Variants in ERBB4 observed in about 807,000 individuals in gnomAD.
ERBB4 encodes erb-b2 receptor tyrosine kinase 4.
A neutral mutation model predicts 158.0 loss-of-function variants in ERBB4; 42 were observed. The observed-to-expected ratio is 0.27, with a 90% CI of 0.21 to 0.34. The LOEUF is 0.34. Among genes scored for constraint, ERBB4 ranks in the 10% least tolerant of loss-of-function variants. The pLI is 1.00. For missense variants in ERBB4, 1,333 were observed against 1,624.1 expected (o/e 0.82, Z 3.08); for synonymous variants, 583 against 558.7 (o/e 1.04, Z -0.61).
At chr2:211,416,946 C>T (rs1233980359) in intron 25 of ERBB4, among the ~76,000 whole-genome samples, 8 of 150,874 alleles carry the variant, frequency 5.3e-5, no homozygotes, top group Non-Finnish European at 1.0e-4. Flanking sequence ...TTGCTTTTTT[C>T]GTTTGGTTAA....
chr2:211,453,909 ATAG>A (rs1182993226), intron 20 of ERBB4, among the ~76,000 whole-genome samples: 1 of 152,204 alleles, frequency 6.6e-6, no homozygotes, highest in African/African-American at 2.4e-5. Context: ...CTAAAATTTA[ATAG>A]TAGTTTTAGG....
At chr2:211,526,800 A>C (rs776949038) in intron 20 of ERBB4, among the ~76,000 whole-genome samples, 1 of 152,146 alleles carries the variant, frequency 6.6e-6, no homozygotes, top group East Asian at 1.9e-4. Flanking sequence ...TGCAATTGAC[A>C]TACTGAAGAA....
Position 211,630,499 on chromosome 2 carries a change from T to C in ERBB4, c.2042A>G (p.Lys681Arg), listed in dbSNP as rs2070067611. 2.5e-6 allele frequency: 4 copies of C among 1,613,590 alleles called. No homozygotes were observed. Among genetic ancestry groups the C allele is most frequent in the Non-Finnish European group, 3.4e-6 (4 of 1,179,594 alleles). Residue 681 changes from lysine (K) to arginine (R), a missense_variant, in exon 17 of 28, where the codon AAA becomes AGA. By Grantham distance (26) the Lys-to-Arg change is conservative. Around this residue, in one of 5 missense-constraint regions of ERBB4, gnomAD observed 314 missense variants for 437.6 expected, o/e 0.72. Transcript: ENST00000342788. Reference protein sequence around the residue: ...FAVYVRRKSIKKKRALRRFLE... With the variant: ...FAVYVRRKSIRKKRALRRFLE... ...GAATCTTCTCAAGGCTCTTTTCTTT[T>C]TGATGCTCTTCCTTCTAACATAAAC...
At chr2:211,765,176 G>C (rs768772722) in intron 4 of ERBB4, among the ~76,000 whole-genome samples, 2 of 152,220 alleles carry the variant, frequency 1.3e-5, no homozygotes, top group South Asian at 2.1e-4. Flanking sequence ...AGCAAGTGTA[G>C]TTAGAAACTC....
chr2:212,120,035 A>G (rs1003787634), intron 2 of ERBB4, among the ~76,000 whole-genome samples: 3 of 152,242 alleles, frequency 2.0e-5, no homozygotes, highest in Admixed American at 2.0e-4. Flanking sequence ...AAATTACTAT[A>G]AAGTTGCAAG....
At chr2:212,149,883 T>G (rs2080814732) in intron 1 of ERBB4, among the ~76,000 whole-genome samples, 1 of 152,114 alleles carries the variant, frequency 6.6e-6, no homozygotes, top group South Asian at 2.1e-4. Context: ...GTCATGGGAA[T>G]AAGAACATGC....
intron 1 of ERBB4, among the ~76,000 whole-genome samples, chr2:212,170,554 C>T (rs2081483869): frequency 6.6e-6 from 1 of 152,174 alleles, no homozygotes; most frequent in Non-Finnish European, 1.5e-5. Context: ...CAGCCCCTCC[C>T]ATCACAGGCA....
intron 3 of ERBB4, among the ~76,000 whole-genome samples, chr2:211,885,686 C>G (rs1013886980): frequency 6.6e-6 from 1 of 152,114 alleles, no homozygotes; most frequent in Admixed American, 6.6e-5. Flanking sequence ...TCTTGAACTA[C>G]TGACCTCAGG....
At chr2:211,941,499 C>T (rs1042695314) in intron 3 of ERBB4, among the ~76,000 whole-genome samples, 3 of 151,802 alleles carry the variant, frequency 2.0e-5, no homozygotes, top group African/African-American at 4.8e-5. Context: ...AATGTCAGGG[C>T]CAATAAAGGA....
intron 2 of ERBB4, among the ~76,000 whole-genome samples, chr2:211,971,439 A>G (rs899873485): frequency 6.6e-6 from 1 of 152,190 alleles, no homozygotes; most frequent in Non-Finnish European, 1.5e-5. Flanking sequence ...AAACAAGCCC[A>G]GGACCAGATG....
chr2:212,456,478 T>C (rs1688293806), intron 1 of ERBB4, among the ~76,000 whole-genome samples: 1 of 151,884 alleles, frequency 6.6e-6, no homozygotes, highest in South Asian at 2.1e-4. Context: ...AGAATTATAT[T>C]CTCAACTGAT....
At chr2:211,918,541 T>TA (rs2079766006) in intron 3 of ERBB4, among the ~76,000 whole-genome samples, 1 of 152,140 alleles carries the variant, frequency 6.6e-6, no homozygotes, top group Non-Finnish European at 1.5e-5. Context: ...TTTCGAGAGA[T>TA]ACGTTTTAAT....
chr2:212,017,315 T>A (rs917891902), intron 2 of ERBB4, among the ~76,000 whole-genome samples: 1 of 152,108 alleles, frequency 6.6e-6, no homozygotes, highest in African/African-American at 2.4e-5. Flanking sequence ...TTGAAACTTC[T>A]CATTTTGTGC....
chr2:212,297,412 A>C (rs1362191859), intron 1 of ERBB4, among the ~76,000 whole-genome samples: 2 of 151,988 alleles, frequency 1.3e-5, no homozygotes, highest in African/African-American at 4.8e-5. Context: ...TGATAAAAGC[A>C]GATTAAATCG....
chr2:212,447,283 C>G (rs2106005604), intron 1 of ERBB4, among the ~76,000 whole-genome samples: 1 of 152,132 alleles, frequency 6.6e-6, no homozygotes, highest in African/African-American at 2.4e-5. Flanking sequence ...AGGTGTGAGC[C>G]ACTGCACCCA....
intron 3 of ERBB4, among the ~76,000 whole-genome samples, chr2:211,881,957 C>T (rs550881086): frequency 6.6e-6 from 1 of 152,016 alleles, no homozygotes; most frequent in Non-Finnish European, 1.5e-5. Flanking sequence ...TTCTGGAGGA[C>T]CAAAGAAAGA....
intron 1 of ERBB4, among the ~76,000 whole-genome samples, chr2:212,294,100 C>A (rs987090191): frequency 2.6e-5 from 4 of 151,792 alleles, no homozygotes; most frequent in Non-Finnish European, 4.4e-5. Context: ...GTTACTATAC[C>A]ATTATAGAAA....
intron 20 of ERBB4, among the ~76,000 whole-genome samples, chr2:211,537,978 G>A (rs1424784804): frequency 6.6e-6 from 1 of 151,714 alleles, no homozygotes; most frequent in Non-Finnish European, 1.5e-5. Flanking sequence ...TCAAAATATT[G>A]TTTCAGAAAT....
In ERBB4 at chr2:211,467,430, G is replaced by C. The variant is rs2064721210; in HGVS notation, c.2488-36330C>G. ...AATGTAATGTACAGGATCAATATTAGGTGTGTTGTTTTTAGGCAGCACTAA... is the reference window on the plus strand; with the variant it reads ...AATGTAATGTACAGGATCAATATTACGTGTGTTGTTTTTAGGCAGCACTAA... On this transcript the variant is annotated intron_variant, in intron 20 of 27. Transcript: ENST00000342788. Among the ~76,000 whole-genome samples the C allele has an allele frequency of 2.6e-5, 4 of 152,128 alleles. No individual in the cohort carries two copies. In the South Asian group the frequency reaches 8.3e-4, roughly 31 times the overall value.
Sources: allele counts gnomAD v4.1 joint callset (sites outside exome capture counted in the v4.1 genomes callset), GRCh38; gene constraint gnomAD v4.1.1; regional missense constraint gnomAD v4.1.1; transcripts MANE v1.5; gene names NCBI Gene and HGNC (gene_info 2026-07-23, HGNC 2026-07-21).